The following SLC8A1 variants were observed in gnomAD, a reference collection of about 807,000 sequenced individuals.
SLC8A1 encodes the protein solute carrier family 8 member A1.
In SLC8A1, 18 loss-of-function variants were observed where a neutral mutation model predicts 68.3. That is an observed-to-expected ratio of 0.26 (90% CI 0.18 to 0.39). The LOEUF (loss-of-function observed/expected upper bound fraction) is 0.39, where lower values mean the gene tolerates loss of function less well. Ranked by LOEUF, SLC8A1 falls within the 10% of genes least tolerant of loss-of-function variation. The probability of loss-of-function intolerance (pLI) is 1.00; values close to 1 mark genes in which losing one functional copy is unlikely to be tolerated. For synonymous variants in SLC8A1, 475 were observed against 415.5 expected (o/e 1.14, Z -1.74); for missense variants, 985 against 1,156.7 (o/e 0.85, Z 2.15).
exon 8 of SLC8A1, chr2:40,107,034 A>G (rs1332747687): frequency 6.6e-6 from 1 of 152,160 alleles, no homozygotes; most frequent in Non-Finnish European, 1.5e-5. Context: ...ATCAGTGTAT[A>G]TGAAAATTGG....
intron 4 of SLC8A1, among the ~76,000 whole-genome samples, chr2:40,173,025 T>C (rs1018399722): frequency 2.0e-5 from 3 of 152,198 alleles, no homozygotes; most frequent in Non-Finnish European, 4.4e-5. Flanking sequence ...CTACAGAGCA[T>C]CCTAGTAGCC....
At chr2:40,323,874 A>C (rs1285298120) in intron 2 of SLC8A1, among the ~76,000 whole-genome samples, 1 of 152,192 alleles carries the variant, frequency 6.6e-6, no homozygotes, top group Non-Finnish European at 1.5e-5. Context: ...GGAAACTAGT[A>C]TGAGAAAGGT....
intron 2 of SLC8A1, among the ~76,000 whole-genome samples, chr2:40,301,225 C>G (rs77346158): frequency 1.5e-3 from 232 of 152,226 alleles, no homozygotes; most frequent in African/African-American, 5.4e-3. Flanking sequence ...TGTATTATTT[C>G]CTTTAAGATT....
chr2:40,213,337 T>C (rs1290308647), intron 2 of SLC8A1: 1 of 152,208 alleles, frequency 6.6e-6, no homozygotes, highest in Non-Finnish European at 1.5e-5. Context: ...ATTTGACCAG[T>C]AGATGGAGTA....
At chr2:40,282,300 G>A (rs2067642570) in intron 2 of SLC8A1, among the ~76,000 whole-genome samples, 2 of 152,112 alleles carry the variant, frequency 1.3e-5, no homozygotes, top group South Asian at 4.2e-4. Context: ...AATTCAGCTT[G>A]CTCACCCCAG....
chr2:40,246,973 G>A (rs1416848054), intron 2 of SLC8A1, among the ~76,000 whole-genome samples: 1 of 151,994 alleles, frequency 6.6e-6, no homozygotes, highest in Non-Finnish European at 1.5e-5. Context: ...TTATTGCCTT[G>A]GATTCTTTCA....
chr2:40,299,589 G>T (rs1423082577), intron 2 of SLC8A1, among the ~76,000 whole-genome samples: 1 of 152,168 alleles, frequency 6.6e-6, no homozygotes, highest in African/African-American at 2.4e-5. Context: ...CAGAGGTGAT[G>T]TGCAAACATT....
chr2:40,449,737 C>T (rs1327743317), intron 1 of SLC8A1, among the ~76,000 whole-genome samples: 1 of 152,170 alleles, frequency 6.6e-6, no homozygotes, highest in South Asian at 2.1e-4. Context: ...GTTCATTACT[C>T]TCCTCCTTCA....
At chr2:40,456,054 C>T (rs1702990755), upstream of SLC8A1, among the ~76,000 whole-genome samples, 4 of 152,280 alleles carry the variant, frequency 2.6e-5, no homozygotes, top group Middle Eastern at 6.8e-3. Flanking sequence ...CGGTGGCTCA[C>T]GCCTGTAATC....
intron 2 of SLC8A1, among the ~76,000 whole-genome samples, chr2:40,231,978 G>C (rs528734251): frequency 1.4e-4 from 21 of 152,214 alleles, no homozygotes; most frequent in African/African-American, 4.6e-4. Flanking sequence ...ATAGGAATAA[G>C]ATACAGTTTC....
At chr2:40,428,642 T>C in exon 2 of SLC8A1, 1 of 1,613,762 alleles carries the variant, frequency 6.2e-7, no homozygotes, top group Non-Finnish European at 8.5e-7. Flanking sequence ...CTCACATGAG[T>C]CACAGGTTCC....
chr2:40,150,419 C>T (rs17025260), intron 6 of SLC8A1, among the ~76,000 whole-genome samples: 18,369 of 152,180 alleles, frequency 0.12, 1,202 homozygotes, highest in African/African-American at 0.14. Context: ...GGTTAGGCTG[C>T]AATGTTTCCC....
intron 7 of SLC8A1, among the ~76,000 whole-genome samples, chr2:40,124,423 A>G (rs954140026): frequency 1.3e-5 from 2 of 152,240 alleles, no homozygotes; most frequent in East Asian, 1.9e-4. Context: ...AGGCCACTGC[A>G]TGCAACCTCA....
At chr2:40,277,264 G>T (rs2066832544) in intron 2 of SLC8A1, among the ~76,000 whole-genome samples, 1 of 151,808 alleles carries the variant, frequency 6.6e-6, no homozygotes, top group Non-Finnish European at 1.5e-5. Context: ...GATAGTGCTG[G>T]GCACGGTAGC....
At chr2:40,208,866 C>T (rs902271548) in intron 2 of SLC8A1, among the ~76,000 whole-genome samples, 2 of 152,130 alleles carry the variant, frequency 1.3e-5, no homozygotes, top group African/African-American at 2.4e-5. Context: ...CCAATAAATG[C>T]TTACTTTTCA....
chr2:40,236,076 GT>G (rs1338599893), intron 2 of SLC8A1, among the ~76,000 whole-genome samples: 48 of 152,124 alleles, frequency 3.2e-4, no homozygotes, highest in African/African-American at 1.1e-3. Context: ...TGTATATTCT[GT>G]TGATTTGGGG....
intron 1 of SLC8A1, among the ~76,000 whole-genome samples, chr2:40,444,434 C>T (rs1701065359): frequency 6.6e-6 from 1 of 152,150 alleles, no homozygotes; most frequent in African/African-American, 2.4e-5. Flanking sequence ...ACATTTCAAA[C>T]CCAAATATCT....
At chr2:40,348,303 A>G (rs985359443) in intron 2 of SLC8A1, among the ~76,000 whole-genome samples, 5 of 152,172 alleles carry the variant, frequency 3.3e-5, no homozygotes, top group African/African-American at 1.2e-4. Context: ...GGCTTAGCTA[A>G]CTGCATAGGC....
intron 2 of SLC8A1, among the ~76,000 whole-genome samples, chr2:40,238,098 G>C (rs2060660409): frequency 6.6e-6 from 1 of 152,218 alleles, no homozygotes; most frequent in Admixed American, 6.5e-5. Flanking sequence ...GCCTACAGAG[G>C]CAGGCAGGCC....
Sources: gnomAD v4.1 joint callset for allele counts (sites outside exome capture counted in the v4.1 genomes callset) on GRCh38, gnomAD v4.1.1 for gene constraint, MANE v1.5 for transcripts, NCBI Gene and HGNC (gene_info 2026-07-23, HGNC 2026-07-21) for gene names.